OR3A2: variants seen among roughly 807,000 people sequenced by gnomAD.
OR3A2 encodes olfactory receptor family 3 subfamily A member 2.
For synonymous variants in OR3A2, 126 were observed against 159.3 expected, an observed-to-expected ratio of 0.79 and a Z score of 1.57; for missense variants, 318 against 392.8, an observed-to-expected ratio of 0.81 and a Z score of 1.61.
At chr17:3,332,684 G>C (rs1048450269) in intron 3 of OR3A2, among the ~76,000 whole-genome samples, 1 of 152,222 alleles carries the variant, frequency 6.6e-6, no homozygotes, top group African/African-American at 2.4e-5. Context: ...GCTGGGAGCT[G>C]TAGACCAGAG....
At chr17:3,282,546 C>T (rs2048783686) in intron 1 of OR3A2, among the ~76,000 whole-genome samples, 2 of 152,156 alleles carry the variant, frequency 1.3e-5, no homozygotes, top group Admixed American at 6.5e-5. Context: ...AATGAGGTCT[C>T]CACTGTGTGT....
intron 2 of OR3A2, among the ~76,000 whole-genome samples, chr17:3,380,807 C>G (rs2049728454): frequency 6.6e-6 from 1 of 152,164 alleles, no homozygotes; most frequent in Admixed American, 6.5e-5. Flanking sequence ...GTGGGGGCCA[C>G]TGATGGTTTC....
At chr17:3,292,731 C>A in intron 3 of OR3A2, 1 of 630,688 alleles carries the variant, frequency 1.6e-6, no homozygotes, top group South Asian at 2.0e-5. Flanking sequence ...GCTCCTTAGG[C>A]CACACTACAC....
At chr17:3,285,019 A>C (rs9916413), upstream of OR3A2, among the ~76,000 whole-genome samples, 31,050 of 151,688 alleles carry the variant, frequency 0.2, 4,334 homozygotes, top group African/African-American at 0.38. Context: ...TTAGTGGGGG[A>C]CACTTGGACT....
At chr17:3,289,718 A>G (rs1217258224) in intron 3 of OR3A2, among the ~76,000 whole-genome samples, 2 of 152,208 alleles carry the variant, frequency 1.3e-5, no homozygotes, top group African/African-American at 2.4e-5. Context: ...GAACAGACCC[A>G]GAGGAACTCA....
At chr17:3,284,760 T>C (rs572343285), upstream of OR3A2, among the ~76,000 whole-genome samples, 2 of 143,170 alleles carry the variant, frequency 1.4e-5, 1 homozygote, top group Non-Finnish European at 3.0e-5. Context: ...AGGACTTGCC[T>C]ATGTCCTCAA....
At position 3,348,860 on chromosome 17, in the gene OR3A2, G is replaced by C. The variant is rs555127524; in HGVS notation, c.-178-12734C>G. Reference sequence around the variant, plus strand: ...GGCAGAAACTCTACCAGCCAGAAGAGAGTGGGGGCCAATATTCAACATTCT... The same window carrying C: ...GGCAGAAACTCTACCAGCCAGAAGACAGTGGGGGCCAATATTCAACATTCT... On this transcript the variant is annotated intron_variant, in intron 2 of 4. Coordinates refer to the OR3A2 transcript ENST00000573491. Among the ~76,000 whole-genome samples the C allele has an allele frequency of 4.6e-3, 707 of 152,278 alleles. 2 individuals are homozygous for C. The highest frequency in any genetic ancestry group is 7.1e-3 in the Non-Finnish European group (482 of 68,016).
chr17:3,339,148 C>G (rs1161753078), intron 2 of OR3A2, among the ~76,000 whole-genome samples: 2 of 152,152 alleles, frequency 1.3e-5, no homozygotes, highest in Non-Finnish European at 2.9e-5. Context: ...AGTTGCTTAT[C>G]AGCTTAAGGA....
chr17:3,298,023 T>C (rs1267278967), intron 3 of OR3A2, among the ~76,000 whole-genome samples: 1 of 152,092 alleles, frequency 6.6e-6, no homozygotes, highest in Non-Finnish European at 1.5e-5. Flanking sequence ...GATGGGGTGG[T>C]TCTGAGGACT....
At chr17:3,373,558 CT>C (rs1250590885) in intron 2 of OR3A2, among the ~76,000 whole-genome samples, 2 of 151,982 alleles carry the variant, frequency 1.3e-5, no homozygotes, top group African/African-American at 4.8e-5. Context: ...CTCTCTTTGT[CT>C]TTTTTAACTG....
chr17:3,278,561 G>A (rs541249893), exon 2 of OR3A2: 38 of 1,611,834 alleles, frequency 2.4e-5, no homozygotes, highest in Admixed American at 6.7e-5. Flanking sequence ...AGGCCATGGC[G>A]GTCAGCAGGA....
At chr17:3,292,309 T>C in intron 3 of OR3A2, 1 of 1,613,816 alleles carries the variant, frequency 6.2e-7, no homozygotes, top group Non-Finnish European at 8.5e-7. Context: ...ACTGCACGCT[T>C]GCGGGACAGG....
At chr17:3,322,178 C>G (rs568145958) in intron 3 of OR3A2, among the ~76,000 whole-genome samples, 14 of 152,210 alleles carry the variant, frequency 9.2e-5, no homozygotes, top group African/African-American at 3.1e-4. Flanking sequence ...TTATAGTATT[C>G]TCTGATGGTA....
In OR3A2 at chr17:3,331,288, T is replaced by C. The variant is rs963433410; in HGVS notation, c.-85+4745A>G. On this transcript the variant is annotated intron_variant, in intron 3 of 4. Coordinates refer to the OR3A2 transcript ENST00000573491. ...CCTTGCTAGATTGGGGAAGTTCTCCTGGATAACATCCTGCAGAGTGTTTTC... is the reference window on the plus strand; with the variant it reads ...CCTTGCTAGATTGGGGAAGTTCTCCCGGATAACATCCTGCAGAGTGTTTTC... 1.7e-3 allele frequency among the ~76,000 whole-genome samples: 265 copies of C among 152,260 alleles called. 1 individual carries two copies. Among genetic ancestry groups the C allele is most frequent in the African/African-American group, 5.7e-3 (238 of 41,524 alleles).
chr17:3,304,726 C>T lies in OR3A2; in HGVS notation c.-84-25573G>A, dbSNP rs140370187. 7.2e-5 allele frequency among the ~76,000 whole-genome samples: 11 copies of T among 152,326 alleles called. No homozygotes were observed. In the East Asian group the frequency reaches 2.1e-3, roughly 29 times the overall value. ...TTGACAAAGCTTTGGTCCTCCCTTC[C>T]TTCAAAAGCCTGCGGTCCATATGAT... is the stretch of plus-strand genomic sequence containing the variant. On this transcript the variant is annotated intron_variant, in intron 3 of 4. Transcript: ENST00000573491.
In OR3A2 at chr17:3,311,667, A is replaced by C; in HGVS notation, c.-85+24366T>G. ...TGTCCTATGCCCACGTCACAGCTGC[A>C]ATATTACAAATCCGCTCAGCTGAGG... is the stretch of plus-strand genomic sequence containing the variant. On this transcript the variant is annotated intron_variant, in intron 3 of 4. Transcript: ENST00000573491. This position sits in a 1 kb window ranked among gnomAD's most constrained non-coding sequence, Gnocchi z 4.6. The C allele has an allele frequency of 3.5e-6, 1 of 288,120 alleles. No individual in the cohort carries two copies. Among genetic ancestry groups the C allele is most frequent in the Non-Finnish European group, 7.1e-6 (1 of 140,240 alleles). The allele number at this position is 288,120 out of a possible 1,614,324, so 17.8% of individuals were successfully genotyped here.
At chr17:3,332,134 C>T (rs1253930350) in intron 3 of OR3A2, among the ~76,000 whole-genome samples, 1 of 152,174 alleles carries the variant, frequency 6.6e-6, no homozygotes, top group Non-Finnish European at 1.5e-5. Flanking sequence ...CAGACAGGGA[C>T]ATTTAAGTCT....
intron 2 of OR3A2, among the ~76,000 whole-genome samples, chr17:3,366,191 C>T (rs947774817): frequency 2.0e-5 from 3 of 152,052 alleles, no homozygotes; most frequent in Non-Finnish European, 4.4e-5. Context: ...AAGTAGTTCC[C>T]CAAAAGGAAA....
chr17:3,315,814 C>T (rs770714490), intron 3 of OR3A2, among the ~76,000 whole-genome samples: 6 of 151,086 alleles, frequency 4.0e-5, no homozygotes, highest in Admixed American at 6.6e-5. Flanking sequence ...TTCTCTCCAG[C>T]CTTCAGAGTG....
Sources: allele counts gnomAD v4.1 joint callset (sites outside exome capture counted in the v4.1 genomes callset), GRCh38; gene constraint gnomAD v4.1.1; non-coding constraint Gnocchi (gnomAD v3.1); transcripts MANE v1.5; gene names NCBI Gene and HGNC (gene_info 2026-07-23, HGNC 2026-07-21).